SLC4A10: variants seen among roughly 807,000 people sequenced by gnomAD.
SLC4A10 encodes the protein solute carrier family 4 member 10.
SLC4A10 carries 42 observed loss-of-function variants against 137.7 expected under a neutral mutation model. The ratio of observed to expected loss-of-function variants is 0.30; its 90% CI spans 0.24 to 0.39. The LOEUF (loss-of-function observed/expected upper bound fraction) is 0.39. Among genes scored for constraint, SLC4A10 ranks in the 10% least tolerant of loss-of-function variants. The pLI is 1.00. For synonymous variants in SLC4A10, 474 were observed against 464.1 expected, an observed-to-expected ratio of 1.02 and a Z score of -0.27; for missense variants, 925 against 1,355.0, an observed-to-expected ratio of 0.68 and a Z score of 4.98.
chr2:161,707,309 G>A (rs2043781170), intron 1 of SLC4A10, among the ~76,000 whole-genome samples: 1 of 151,382 alleles, frequency 6.6e-6, no homozygotes, highest in Non-Finnish European at 1.5e-5. Flanking sequence ...TCCATCAAAT[G>A]TTGTGAGTGA....
At chr2:161,933,166 CT>C (rs1690752438) in intron 15 of SLC4A10, among the ~76,000 whole-genome samples, 1 of 126,984 alleles carries the variant, frequency 7.9e-6, no homozygotes. Flanking sequence ...CTCTTTCTTT[CT>C]CTTTCCCCTT....
intron 1 of SLC4A10, among the ~76,000 whole-genome samples, chr2:161,722,959 C>G (rs2045848432): frequency 6.6e-6 from 1 of 152,200 alleles, no homozygotes; most frequent in Non-Finnish European, 1.5e-5. Flanking sequence ...CCACAATCTG[C>G]CGCAGCTGCT....
At chr2:161,830,161 CAAAA>C (rs201494187) in intron 3 of SLC4A10, among the ~76,000 whole-genome samples, 9,290 of 103,754 alleles carry the variant, frequency 0.09, 366 homozygotes, top group East Asian at 0.2. Context: ...GGAACTAAAG[CAAAA>C]AAAAAAAAAA....
chr2:161,895,609 C>G (rs1357514620), intron 11 of SLC4A10, among the ~76,000 whole-genome samples: 4 of 152,172 alleles, frequency 2.6e-5, no homozygotes, highest in African/African-American at 4.8e-5. Flanking sequence ...ACCATTCTAA[C>G]TGGTGTGAGA....
chr2:161,872,837 C>A (rs184472501), intron 7 of SLC4A10, among the ~76,000 whole-genome samples: 9 of 152,194 alleles, frequency 5.9e-5, no homozygotes, highest in Admixed American at 5.2e-4. Flanking sequence ...CCTCAGCTTC[C>A]CGAGTAGCTG....
At chr2:161,716,934 G>A (rs2044978964) in intron 1 of SLC4A10, among the ~76,000 whole-genome samples, 1 of 152,094 alleles carries the variant, frequency 6.6e-6, no homozygotes, top group Non-Finnish European at 1.5e-5. Context: ...CCATGAGTGT[G>A]GATTGTTTTT....
At chr2:161,692,905 C>T (rs1472919927) in intron 1 of SLC4A10, among the ~76,000 whole-genome samples, 5 of 147,858 alleles carry the variant, frequency 3.4e-5, no homozygotes, top group East Asian at 2.0e-4. Context: ...AGCCATGTAT[C>T]GTAAATTGAC....
intron 1 of SLC4A10, among the ~76,000 whole-genome samples, chr2:161,653,765 C>T (rs1365273812): frequency 6.6e-6 from 1 of 151,916 alleles, no homozygotes; most frequent in African/African-American, 2.4e-5. Flanking sequence ...ATGTATATAC[C>T]ACATTTTCTT....
At chr2:161,766,281 A>G (rs994078293) in intron 1 of SLC4A10, among the ~76,000 whole-genome samples, 8 of 152,032 alleles carry the variant, frequency 5.3e-5, no homozygotes, top group Non-Finnish European at 1.0e-4. Context: ...GTAAAATTTC[A>G]CTCTCAGTAT....
At chr2:161,893,681 C>G (rs1392468650) in intron 10 of SLC4A10, among the ~76,000 whole-genome samples, 1 of 151,898 alleles carries the variant, frequency 6.6e-6, no homozygotes, top group Non-Finnish European at 1.5e-5. Context: ...GCCTGCATGA[C>G]AGAGTGAGAC....
At chr2:161,652,075 A>G (rs1464092156) in intron 1 of SLC4A10, among the ~76,000 whole-genome samples, 2 of 152,180 alleles carry the variant, frequency 1.3e-5, no homozygotes, top group African/African-American at 4.8e-5. Context: ...TAAAGTTACT[A>G]TTCTATCCCT....
Position 161,984,273 on chromosome 2 carries a change from G to T in SLC4A10, c.*1121G>T, listed in dbSNP as rs1044997930. The T allele has an allele frequency of 6.6e-6, 1 of 151,940 alleles. No individual in the cohort carries two copies. Among genetic ancestry groups the T allele is most frequent in the Non-Finnish European group, 1.5e-5 (1 of 67,962 alleles). 9.4% of individuals were successfully genotyped at this position (151,940 alleles called of 1,614,324 possible). A position where few individuals can be genotyped will look rare whatever the true frequency, so the allele number is the denominator to read the frequency against. ...TAAAATGAAATTTCAGATTCCATTT[G>T]AGAAGGTTCTGTAGATATTTCAGTC... On this transcript the variant is annotated 3_prime_UTR_variant, in exon 27 of 27. Transcript: ENST00000446997.
intron 2 of SLC4A10, among the ~76,000 whole-genome samples, chr2:161,790,246 G>A (rs1283855158): frequency 6.6e-6 from 1 of 152,100 alleles, no homozygotes; most frequent in Non-Finnish European, 1.5e-5. Flanking sequence ...AATTCCCATT[G>A]AACTAAGATT....
intron 10 of SLC4A10, among the ~76,000 whole-genome samples, chr2:161,887,937 G>A (rs1367996971): frequency 6.6e-6 from 1 of 152,144 alleles, no homozygotes; most frequent in Non-Finnish European, 1.5e-5. Context: ...TAGGGCTTTA[G>A]GTCTTACATT....
chr2:161,774,799 C>T (rs1220717457), intron 2 of SLC4A10, among the ~76,000 whole-genome samples: 2 of 151,874 alleles, frequency 1.3e-5, no homozygotes, highest in African/African-American at 4.8e-5. Flanking sequence ...ATTCTGCTCC[C>T]CATAATCCTT....
intron 26 of SLC4A10, among the ~76,000 whole-genome samples, chr2:161,979,814 A>G (rs953709329): frequency 2.0e-5 from 3 of 152,092 alleles, no homozygotes; most frequent in African/African-American, 7.2e-5. Flanking sequence ...CCCCATTCTG[A>G]GTTATTTTCC....
At chr2:161,938,203 G>A (rs990094407) in intron 15 of SLC4A10, among the ~76,000 whole-genome samples, 1 of 152,074 alleles carries the variant, frequency 6.6e-6, no homozygotes, top group Non-Finnish European at 1.5e-5. Context: ...CCTGGGAGGC[G>A]GAGGTTGCAG....
intron 1 of SLC4A10, chr2:161,709,928 G>A (rs2044100819): frequency 6.6e-6 from 1 of 151,478 alleles, no homozygotes; most frequent in African/African-American, 2.4e-5. Flanking sequence ...GAAATATATT[G>A]CAGCAGTTCT....
At chr2:161,792,415 C>T (rs1188034203) in intron 2 of SLC4A10, among the ~76,000 whole-genome samples, 1 of 152,018 alleles carries the variant, frequency 6.6e-6, no homozygotes, top group African/African-American at 2.4e-5. Flanking sequence ...TTTATATTAA[C>T]ACTATATTTT....
Sources: gnomAD v4.1 joint callset for allele counts (sites outside exome capture counted in the v4.1 genomes callset) on GRCh38, gnomAD v4.1.1 for gene constraint, MANE v1.5 for transcripts, NCBI Gene and HGNC (gene_info 2026-07-23, HGNC 2026-07-21) for gene names.